USP34: variants seen among roughly 807,000 people sequenced by gnomAD.
USP34 encodes the protein ubiquitin carboxyl-terminal hydrolase 34.
A neutral mutation model predicts 460.3 loss-of-function variants in USP34; 70 were observed. That is an observed-to-expected ratio of 0.15 (90% confidence interval 0.13 to 0.19). The LOEUF (loss-of-function observed/expected upper bound fraction) is 0.19. USP34 is among the 10% of genes least tolerant of loss of function. USP34 has a pLI of 1.00. For missense variants in USP34, 3,985 were observed against 4,236.2 expected, an observed-to-expected ratio of 0.94 and a Z score of 1.65; for synonymous variants, 1,647 against 1,405.3, an observed-to-expected ratio of 1.17 and a Z score of -3.85.
At position 61,187,679 on chromosome 2, in the gene USP34, A is replaced by G. The variant is rs866503877; in HGVS notation, c.*423T>C. ...TCTTGTGGTTGTTCCGTATACAAGT[A>G]AACTTAATTTTGATAATAAGAACCA... On this transcript the variant is annotated 3_prime_UTR_variant, in exon 80 of 80. Transcript: ENST00000398571. 20 of 541,294 alleles carry G rather than the reference A, an allele frequency of 3.7e-5. No homozygotes were observed. Among genetic ancestry groups the G allele is most frequent in the Non-Finnish European group, 4.7e-5 (20 of 421,370 alleles). 33.5% of individuals were successfully genotyped at this position (541,294 alleles called of 1,614,324 possible).
At chr2:61,389,708 T>C (rs1693283962) in intron 5 of USP34, among the ~76,000 whole-genome samples, 1 of 152,160 alleles carries the variant, frequency 6.6e-6, no homozygotes, top group Non-Finnish European at 1.5e-5. Flanking sequence ...AAATTGCATA[T>C]GCTATTAATC....
intron 57 of USP34, among the ~76,000 whole-genome samples, chr2:61,233,728 G>C (rs1342420088): frequency 1.6e-4 from 24 of 152,112 alleles, no homozygotes; most frequent in Non-Finnish European, 5.9e-5. Context: ...GGGAGGCTGA[G>C]GGAGGAGGCT....
At chr2:61,265,335 T>G in intron 43 of USP34, 62 bp downstream of exon 43, 3 of 1,528,292 alleles carry the variant, frequency 2.0e-6, no homozygotes, top group Non-Finnish European at 2.6e-6. Flanking sequence ...AAATAAAAAT[T>G]TATCAACAAA....
chr2:61,304,092 T>G (rs1231006527), intron 27 of USP34, among the ~76,000 whole-genome samples: 1 of 152,060 alleles, frequency 6.6e-6, no homozygotes, highest in East Asian at 1.9e-4. Flanking sequence ...GAGACAGGGT[T>G]TCGTCATGTT....
chr2:61,416,251 T>G (rs977803161), intron 2 of USP34, among the ~76,000 whole-genome samples: 2 of 152,230 alleles, frequency 1.3e-5, no homozygotes, highest in African/African-American at 4.8e-5. Flanking sequence ...ACATTTAACC[T>G]ATTTAAAAGC....
At chr2:61,258,790 T>C (rs576843425) in intron 44 of USP34, among the ~76,000 whole-genome samples, 19 of 152,334 alleles carry the variant, frequency 1.2e-4, no homozygotes, top group African/African-American at 4.6e-4. Context: ...TTTATAGTTT[T>C]AGGCATTGTA....
intron 10 of USP34, among the ~76,000 whole-genome samples, chr2:61,365,213 T>C (rs1180970599): frequency 1.1e-4 from 15 of 136,694 alleles, no homozygotes; most frequent in African/African-American, 3.3e-4. Flanking sequence ...GATTGCCCCA[T>C]TGCACTCCAG....
At chr2:61,335,448 G>C (rs1411757142) in intron 18 of USP34, among the ~76,000 whole-genome samples, 1 of 152,032 alleles carries the variant, frequency 6.6e-6, no homozygotes, top group Admixed American at 6.6e-5. Flanking sequence ...AGATTCAATG[G>C]GCAACCACAA....
At chr2:61,279,336 A>G (rs905405026) in intron 39 of USP34, among the ~76,000 whole-genome samples, 14 of 152,222 alleles carry the variant, frequency 9.2e-5, no homozygotes, top group African/African-American at 1.7e-4. Context: ...AACGTGTCCT[A>G]AATATTTCAA....
In USP34 at chr2:61,348,474, T is replaced by C. The variant is rs1360968727; in HGVS notation, c.1681A>G (p.Met561Val). The change falls in exon 15 of 80, where the codon ATG becomes GTG. Residue 561 changes from methionine to valine, a missense_variant. By Grantham distance (21) the Met-to-Val change is conservative (BLOSUM62 1). Around this residue, in one of 14 missense-constraint regions of USP34, gnomAD observed 716 missense variants for 626.2 expected, o/e 1.14. Coordinates refer to ENST00000398571, the MANE Select transcript of USP34 (RefSeq NM_014709.4). ...QQRLSDTEESMQGSSDETANS... is the reference protein window; with the variant it reads ...QQRLSDTEESVQGSSDETANS... Reference sequence around the variant, plus strand: ...GCAGTTTCGTCAGAACTTCCCTGCATGGATTCCTGTATTTTGAAACAAATA... The same window carrying C: ...GCAGTTTCGTCAGAACTTCCCTGCACGGATTCCTGTATTTTGAAACAAATA... The C allele has an allele frequency of 1.9e-6, 3 of 1,609,044 alleles. No individual in the cohort carries two copies. The highest frequency in any genetic ancestry group is 2.5e-6 in the Non-Finnish European group (3 of 1,177,692).
At chr2:61,374,551 G>C (rs757411052) in intron 8 of USP34, among the ~76,000 whole-genome samples, 1 of 151,886 alleles carries the variant, frequency 6.6e-6, no homozygotes, top group African/African-American at 2.4e-5. Flanking sequence ...TCTTGCTTCA[G>C]AGCTCATACA....
rs1686534243 is a variant in USP34 at position 61,188,904 on chromosome 2, G to A, written c.10033+6C>T. 6.2e-7 allele frequency: 1 copy of A among 1,614,022 alleles called. No individual in the cohort carries two copies. On this transcript the variant is annotated splice_donor_region_variant and intron_variant, in intron 79 of 79. Coordinates refer to ENST00000398571, the MANE Select transcript of USP34 (RefSeq NM_014709.4). ...AAAGGTAATGATAGTAGTCCATAAA[G>A]CTAACCTTTAGTTTTTCTTTCTTTG...
chr2:61,408,227 T>C (rs1380923563), intron 2 of USP34, among the ~76,000 whole-genome samples: 2 of 152,164 alleles, frequency 1.3e-5, no homozygotes, highest in Non-Finnish European at 2.9e-5. Flanking sequence ...TACATGACTA[T>C]GACCTGGCCA....
chr2:61,199,131 C>G (rs1470906652), intron 75 of USP34, among the ~76,000 whole-genome samples: 1 of 152,098 alleles, frequency 6.6e-6, no homozygotes, highest in African/African-American at 2.4e-5. Context: ...TTTATGTAGT[C>G]AAAACTTTCA....
intron 5 of USP34, among the ~76,000 whole-genome samples, chr2:61,384,304 A>G (rs1362800502): frequency 6.6e-6 from 1 of 152,202 alleles, no homozygotes; most frequent in African/African-American, 2.4e-5. Flanking sequence ...AAATAGTAAG[A>G]ATAAAAATCC....
rs552796727 is a variant in USP34 at position 61,365,664 on chromosome 2, C to CA, written c.1251+4656dup. On this transcript the variant is annotated intron_variant, in intron 10 of 79. Transcript: ENST00000398571. The stretch of plus-strand genomic sequence containing the variant: ...CAGGAGTTGAGGAAAAAGGATTTGT[C>CA]AGAGTCACATACCTAAATATAGCAT... Among the ~76,000 whole-genome samples the CA allele has an allele frequency of 9.9e-5, 15 of 152,160 alleles. No homozygotes were observed. The South Asian group carries it at 3.1e-3, about 32-fold the overall frequency.
At position 61,278,304 on chromosome 2, in the gene USP34, A is replaced by G; in HGVS notation, c.5313-19T>C. ...CTCCCTACTACAAAAAAGAAAAAAA[A>G]TACACACAAGCAAGATAGTTCACAT... On this transcript the variant is annotated intron_variant, in intron 40 of 79. Coordinates refer to ENST00000398571, the MANE Select transcript of USP34 (RefSeq NM_014709.4). 6.2e-7 allele frequency: 1 copy of G among 1,612,002 alleles called. No individual in the cohort carries two copies. Among genetic ancestry groups the G allele is most frequent in the Non-Finnish European group, 8.5e-7 (1 of 1,179,226 alleles).
In USP34 at chr2:61,370,349, T is replaced by C. The variant is rs545390384; in HGVS notation, c.1223A>G (p.His408Arg). 2.5e-6 allele frequency: 4 copies of C among 1,614,118 alleles called. No homozygotes were observed. In the South Asian group the frequency reaches 3.3e-5, roughly 13 times the overall value. Residue 408 changes from histidine to arginine, a missense_variant, in exon 10 of 80, where the codon CAT becomes CGT. Transcript: ENST00000398571. ...LAAEGRLSTQHIDCIWAAAQL... is the reference protein window; with the variant it reads ...LAAEGRLSTQRIDCIWAAAQL... ...TGCTGCAGCCCAAATACAGTCAATATGTTGAGTACTCAGTCGCCCTTCTGC... is the reference window on the plus strand; with the variant it reads ...TGCTGCAGCCCAAATACAGTCAATACGTTGAGTACTCAGTCGCCCTTCTGC...
At chr2:61,213,223 C>A (rs1687317372) in intron 68 of USP34, among the ~76,000 whole-genome samples, 1 of 152,060 alleles carries the variant, frequency 6.6e-6, no homozygotes, top group Admixed American at 6.6e-5. Context: ...CCATGTTGCC[C>A]AGGCTGGTCT....
Sources: allele counts gnomAD v4.1 joint callset (sites outside exome capture counted in the v4.1 genomes callset), GRCh38; gene constraint gnomAD v4.1.1; regional missense constraint gnomAD v4.1.1; transcripts MANE v1.5; gene names NCBI Gene and HGNC (gene_info 2026-07-23, HGNC 2026-07-21).